Variants in UPRT observed in about 807,000 individuals in gnomAD.
UPRT encodes RP11-311P8.3.
A neutral mutation model predicts 22.6 loss-of-function variants in UPRT; 5 were observed. That is an observed-to-expected ratio of 0.22 (90% CI 0.12 to 0.47). UPRT has a LOEUF of 0.47. Ranked by LOEUF, UPRT falls within the 20% of genes least tolerant of loss-of-function variation. The probability of loss-of-function intolerance (pLI) is 0.99; values close to 1 mark genes in which losing one functional copy is unlikely to be tolerated. For synonymous variants in UPRT, 77 were observed against 87.7 expected, an observed-to-expected ratio of 0.88 and a Z score of 0.68; for missense variants, 181 against 239.9, an observed-to-expected ratio of 0.75 and a Z score of 1.62.
At chrX:75,270,657 C>A (rs1332418981), upstream of UPRT, among the ~76,000 whole-genome samples, 4 of 111,486 alleles carry the variant, frequency 3.6e-5, no homozygotes, top group African/African-American at 1.3e-4. Flanking sequence ...AACACAAGAA[C>A]AGAAAACCAA....
At chrX:75,238,980 T>G (rs1280199558) in intron 4 of UPRT, among the ~76,000 whole-genome samples, 2 of 111,287 alleles carry the variant, frequency 1.8e-5, no homozygotes, top group African/African-American at 6.5e-5. Context: ...CAAGAAAAGT[T>G]CATAGTATTA....
intron 4 of UPRT, among the ~76,000 whole-genome samples, chrX:75,268,171 A>G (rs776691236): frequency 1.9e-4 from 21 of 111,702 alleles, no homozygotes; most frequent in African/African-American, 6.5e-4. Flanking sequence ...AAATGAATAA[A>G]TTCCTGGACA....
intron 2 of UPRT, 44 bp from the exon 3 acceptor site, chrX:75,296,298 G>A: frequency 8.7e-7 from 1 of 1,155,542 alleles, no homozygotes; most frequent in Non-Finnish European, 1.2e-6. Context: ...GCTAACAGGA[G>A]ATTCCCAGCA....
chrX:75,265,731 G>A (rs2082586155), intron 4 of UPRT, among the ~76,000 whole-genome samples: 1 of 111,638 alleles, frequency 9.0e-6, no homozygotes, highest in African/African-American at 3.3e-5. Flanking sequence ...GAGGAGCTGT[G>A]TTCCTTTGGA....
intron 4 of UPRT, among the ~76,000 whole-genome samples, chrX:75,215,750 C>T (rs1397940527): frequency 9.0e-6 from 1 of 111,433 alleles, no homozygotes; most frequent in Non-Finnish European, 1.9e-5. Context: ...TGACAGGATC[C>T]ATACCACAAA....
intron 4 of UPRT, among the ~76,000 whole-genome samples, chrX:75,220,565 C>T (rs903829174): frequency 3.6e-5 from 4 of 110,384 alleles, no homozygotes; most frequent in Non-Finnish European, 3.8e-5. Flanking sequence ...TTATGTTTTT[C>T]GATCCATTGT....
upstream of UPRT, among the ~76,000 whole-genome samples, chrX:75,272,319 T>TATAC (rs369391024): frequency 1.4e-4 from 12 of 88,334 alleles, no homozygotes; most frequent in African/African-American, 4.9e-4. Context: ...TGTGTATATA[T>TATAC]ACATATATAT....
chrX:75,193,315 G>T (rs919912624), intron 4 of UPRT, among the ~76,000 whole-genome samples: 2 of 112,159 alleles, frequency 1.8e-5, no homozygotes, highest in Non-Finnish European at 3.8e-5. Flanking sequence ...GCTCTGTAGG[G>T]TTTCTGCTGA....
At chrX:75,297,407 C>G in intron 3 of UPRT, 84 bp from the exon 4 acceptor site, 3 of 983,680 alleles carry the variant, frequency 3.0e-6, no homozygotes, top group Non-Finnish European at 4.3e-6. Flanking sequence ...TTGTGCCCAT[C>G]TACTTTAAAC....
intron 4 of UPRT, among the ~76,000 whole-genome samples, chrX:75,242,348 C>A (rs1489266621): frequency 3.6e-5 from 4 of 110,684 alleles, no homozygotes; most frequent in Admixed American, 2.9e-4. Context: ...AAGATACTGC[C>A]AAATTGTTCA....
chrX:75,240,728 A>G (rs1447503987), intron 4 of UPRT, among the ~76,000 whole-genome samples: 1 of 111,969 alleles, frequency 8.9e-6, no homozygotes. Context: ...GTTTAAAAAT[A>G]GGCACATAGA....
At chrX:75,195,716 G>T (rs1192932899) in intron 4 of UPRT, among the ~76,000 whole-genome samples, 2 of 111,540 alleles carry the variant, frequency 1.8e-5, no homozygotes, top group East Asian at 2.8e-4. Flanking sequence ...CAGTAACCCC[G>T]TTCAGGGTTC....
intron 3 of UPRT, among the ~76,000 whole-genome samples, chrX:75,167,759 G>A (rs776215829): frequency 1.0e-5 from 1 of 98,650 alleles, no homozygotes; most frequent in South Asian, 4.4e-4. Flanking sequence ...CTTGTTTTTT[G>A]TTTTTTTTTT....
upstream of UPRT, among the ~76,000 whole-genome samples, chrX:75,269,265 C>T (rs1408156856): frequency 1.8e-5 from 2 of 111,847 alleles, no homozygotes; most frequent in Non-Finnish European, 3.8e-5. Context: ...AGAACACGAA[C>T]AAATGGAAAA....
intron 4 of UPRT, among the ~76,000 whole-genome samples, chrX:75,190,531 C>T (rs2082311339): frequency 9.0e-6 from 1 of 111,655 alleles, no homozygotes; most frequent in Admixed American, 9.5e-5. Context: ...GCCTGTCTTG[C>T]TAGATTGGGG....
chrX:75,297,890 C>T (rs1046971243), intron 4 of UPRT: 5 of 193,026 alleles, frequency 2.6e-5, no homozygotes, highest in East Asian at 9.3e-5. Context: ...GGTATAAATT[C>T]GGGCTTGGAG....
At chrX:75,258,158 T>C (rs973008010) in intron 4 of UPRT, among the ~76,000 whole-genome samples, 2 of 107,791 alleles carry the variant, frequency 1.9e-5, no homozygotes, top group African/African-American at 6.7e-5. Flanking sequence ...CAAAACTAGG[T>C]AGCCATTTCG....
chrX:75,217,594 T>C (rs918935363), intron 4 of UPRT, among the ~76,000 whole-genome samples: 2 of 112,288 alleles, frequency 1.8e-5, no homozygotes, highest in African/African-American at 6.5e-5. Flanking sequence ...ACTCCTGATT[T>C]GGCTCTCTGT....
At chrX:75,253,818 T>C (rs1442367741) in intron 4 of UPRT, among the ~76,000 whole-genome samples, 3 of 111,553 alleles carry the variant, frequency 2.7e-5, no homozygotes, top group African/African-American at 9.8e-5. Context: ...AAACTGAAGG[T>C]CTAGGTTATG....
Sources: gnomAD v4.1 joint callset for allele counts (sites outside exome capture counted in the v4.1 genomes callset) on GRCh38, gnomAD v4.1.1 for gene constraint, MANE v1.5 for transcripts, NCBI Gene and HGNC (gene_info 2026-07-23, HGNC 2026-07-21) for gene names.